The following RSF1 variants were observed in gnomAD, a reference collection of about 807,000 sequenced individuals.
RSF1 encodes the protein remodeling and spacing factor 1, also known as HBV pX-associated protein 8.
RSF1 carries 13 observed loss-of-function variants against 145.2 expected under a neutral mutation model. The observed-to-expected ratio is 0.09, with a 90% CI of 0.06 to 0.14. RSF1 has a LOEUF of 0.14. RSF1 is among the 10% of genes least tolerant of loss of function. RSF1 has a pLI of 1.00. For synonymous variants in RSF1, 577 were observed against 592.6 expected, an observed-to-expected ratio of 0.97 and a Z score of 0.38; for missense variants, 1,517 against 1,718.2, an observed-to-expected ratio of 0.88 and a Z score of 2.07.
intron 1 of RSF1, among the ~76,000 whole-genome samples, chr11:77,817,025 G>A (rs1460708088): frequency 6.6e-6 from 1 of 152,122 alleles, no homozygotes; most frequent in African/African-American, 2.4e-5. Context: ...TTTTCCTCCT[G>A]AAAAATAAAG....
intron 1 of RSF1, among the ~76,000 whole-genome samples, chr11:77,789,404 G>A (rs1189823663): frequency 6.6e-6 from 1 of 152,132 alleles, no homozygotes; most frequent in Non-Finnish European, 1.5e-5. Context: ...ATTGTCCTGG[G>A]GCCCAGTGCC....
chr11:77,815,003 C>T (rs1242718156), intron 1 of RSF1, among the ~76,000 whole-genome samples: 1 of 152,090 alleles, frequency 6.6e-6, no homozygotes, highest in African/African-American at 2.4e-5. Context: ...TGAAAGAAAG[C>T]GTAAAATGGA....
At chr11:77,721,303 C>A (rs1960935144) in intron 5 of RSF1, among the ~76,000 whole-genome samples, 1 of 152,124 alleles carries the variant, frequency 6.6e-6, no homozygotes, top group Admixed American at 6.5e-5. Context: ...CCAACACAGC[C>A]CAAGGGTAAT....
chr11:77,782,956 T>C (rs1202372808), intron 1 of RSF1, among the ~76,000 whole-genome samples: 1 of 152,258 alleles, frequency 6.6e-6, no homozygotes, highest in Non-Finnish European at 1.5e-5. Flanking sequence ...ATTTTGTTCA[T>C]ATACATTTAT....
the RSF1 span, chr11:77,869,757 A>G: frequency 1.2e-6 from 2 of 1,613,898 alleles, no homozygotes; most frequent in Non-Finnish European, 1.7e-6. Flanking sequence ...ATGTGAAGGA[A>G]GTTGTTGAGA....
chr11:77,759,376 G>T (rs768773929), intron 2 of RSF1, among the ~76,000 whole-genome samples: 1 of 151,916 alleles, frequency 6.6e-6, no homozygotes, highest in African/African-American at 2.4e-5. Flanking sequence ...GCTTGGCATT[G>T]TAAAAGTTTT....
At chr11:77,856,035 C>T in the RSF1 span, among the ~76,000 whole-genome samples, 1 of 152,096 alleles carries the variant, frequency 6.6e-6, no homozygotes, top group East Asian at 1.9e-4. Context: ...AGGGGGATTC[C>T]TTGAGCCCAG....
the RSF1 span, among the ~76,000 whole-genome samples, chr11:77,869,391 C>T: frequency 6.9e-6 from 1 of 145,476 alleles, no homozygotes; most frequent in Non-Finnish European, 1.5e-5. Flanking sequence ...TGGCTCACTG[C>T]AGCCTCGACC....
chr11:77,851,441 CTT>C, the RSF1 span: 1 of 152,112 alleles, frequency 6.6e-6, no homozygotes, highest in Non-Finnish European at 1.5e-5. Context: ...TTTTTGTTTG[CTT>C]TTGCTTTTGT....
At chr11:77,789,030 A>G (rs887869265) in intron 1 of RSF1, among the ~76,000 whole-genome samples, 2 of 151,972 alleles carry the variant, frequency 1.3e-5, no homozygotes, top group African/African-American at 4.8e-5. Flanking sequence ...TAAAAACATT[A>G]AAAAAAACAG....
intron 3 of RSF1, 100 bp downstream of exon 3, chr11:77,746,933 CTAA>C: frequency 1.5e-6 from 1 of 671,962 alleles, no homozygotes; most frequent in Non-Finnish European, 2.5e-6. Context: ...TCCTCTTCTG[CTAA>C]TAATAAAAAT....
intron 5 of RSF1, among the ~76,000 whole-genome samples, chr11:77,716,160 G>A (rs2135874277): frequency 6.6e-6 from 1 of 152,136 alleles, no homozygotes; most frequent in South Asian, 2.1e-4. Context: ...GAGAATCCCT[G>A]TACACTGTTG....
chr11:77,771,322 G>A (rs1435883123), intron 1 of RSF1, among the ~76,000 whole-genome samples: 1 of 152,080 alleles, frequency 6.6e-6, no homozygotes, highest in African/African-American at 2.4e-5. Flanking sequence ...AAAACCATCA[G>A]GAAATGCCTC....
At chr11:77,681,082 T>C (rs903962585) in intron 11 of RSF1, among the ~76,000 whole-genome samples, 1 of 152,222 alleles carries the variant, frequency 6.6e-6, no homozygotes, top group Non-Finnish European at 1.5e-5. Flanking sequence ...ATCTAAGTCA[T>C]TTTTAATGCA....
Position 77,710,231 on chromosome 11 carries a change from T to C in RSF1, c.734-7736A>G, listed in dbSNP as rs150747765. On this transcript the variant is annotated intron_variant, in intron 5 of 15. Transcript: ENST00000308488. The stretch of plus-strand genomic sequence containing the variant: ...ATGATGTTTTGAAATATAAATACAG[T>C]GTAGAATGGCTAGATCAAGCTAGTT... 1.1e-3 allele frequency among the ~76,000 whole-genome samples: 171 copies of C among 152,260 alleles called. 2 individuals are homozygous for C. The East Asian group carries it at 0.031, about 27-fold the overall frequency.
chr11:77,805,017 T>TA (rs1948663157), intron 1 of RSF1, among the ~76,000 whole-genome samples: 1 of 152,232 alleles, frequency 6.6e-6, no homozygotes, highest in Non-Finnish European at 1.5e-5. Flanking sequence ...AACATGTGTT[T>TA]ATTTATCTAG....
At chr11:77,793,939 G>GAAGGTC (rs1239690815) in intron 1 of RSF1, among the ~76,000 whole-genome samples, 14 of 152,222 alleles carry the variant, frequency 9.2e-5, no homozygotes, top group African/African-American at 3.4e-4. Context: ...AAAAGATGAT[G>GAAGGTC]AAGGTCATTA....
intron 1 of RSF1, among the ~76,000 whole-genome samples, chr11:77,776,061 A>C (rs943937247): frequency 2.0e-5 from 3 of 152,088 alleles, no homozygotes; most frequent in East Asian, 3.9e-4. Flanking sequence ...CACTCAAAAA[A>C]GACGCTGGGC....
At chr11:77,668,577 A>T (rs1208359429) in intron 15 of RSF1, among the ~76,000 whole-genome samples, 1 of 152,230 alleles carries the variant, frequency 6.6e-6, no homozygotes, top group Non-Finnish European at 1.5e-5. Context: ...AACCAACTGC[A>T]GATGGAAAAT....
Sources: allele counts gnomAD v4.1 joint callset (sites outside exome capture counted in the v4.1 genomes callset), GRCh38; gene constraint gnomAD v4.1.1; transcripts MANE v1.5; gene names NCBI Gene and HGNC (gene_info 2026-07-23, HGNC 2026-07-21).